KANK1: variants seen among roughly 807,000 people sequenced by gnomAD.
KANK1 encodes KN motif and ankyrin repeat domain-containing protein 1.
In KANK1, 109 loss-of-function variants were observed where a neutral mutation model predicts 106.2. The ratio of observed to expected loss-of-function variants is 1.03; its 90% CI spans 0.88 to 1.20. The LOEUF is 1.20. Among genes scored for constraint, KANK1 ranks in the 50% most tolerant of loss-of-function variants. KANK1 has a pLI of 0.00. For synonymous variants in KANK1, 873 were observed against 652.2 expected (o/e 1.34, Z -5.16); for missense variants, 2,399 against 1,710.7 (o/e 1.40, Z -7.10).
rs1389253343 is a variant in KANK1 at position 518,697 on chromosome 9, C to T, written c.-84+13943C>T. 4.0e-5 allele frequency among the ~76,000 whole-genome samples: 6 copies of T among 151,272 alleles called. 2 individuals are homozygous for T. The highest frequency in any genetic ancestry group is 1.5e-4 in the African/African-American group (6 of 40,740). ...ACTATAAAACTCCCTAGGAAAAGTC[C>T]TCAAAGAGCCACCTTGTTTACTTTA... On this transcript the variant is annotated intron_variant, in intron 1 of 11. Transcript: ENST00000382297.
chr9:633,513 T>A (rs901976755), intron 1 of KANK1, among the ~76,000 whole-genome samples: 1 of 152,128 alleles, frequency 6.6e-6, no homozygotes, highest in Non-Finnish European at 1.5e-5. Context: ...TCAAGTTACT[T>A]CCAACAGTGC....
At chr9:601,815 G>T (rs1342939643) in intron 1 of KANK1, among the ~76,000 whole-genome samples, 4 of 151,772 alleles carry the variant, frequency 2.6e-5, no homozygotes, top group African/African-American at 4.9e-5. Context: ...GGCTAATCTT[G>T]TATTTTCCTT....
intron 1 of KANK1, among the ~76,000 whole-genome samples, chr9:593,296 C>T (rs568045196): frequency 1.4e-4 from 21 of 151,846 alleles, no homozygotes; most frequent in Non-Finnish European, 2.1e-4. Context: ...CAGATGTGCC[C>T]ATTCTCACAT....
chr9:522,217 C>G (rs2059585591), intron 1 of KANK1, among the ~76,000 whole-genome samples: 1 of 151,682 alleles, frequency 6.6e-6, no homozygotes, highest in Non-Finnish European at 1.5e-5. Flanking sequence ...TCTGTTTTCC[C>G]TTTTGCTGAA....
chr9:626,167 G>A (rs1436309646), intron 1 of KANK1, among the ~76,000 whole-genome samples: 1 of 152,118 alleles, frequency 6.6e-6, no homozygotes, highest in Non-Finnish European at 1.5e-5. Flanking sequence ...TTTATGTACT[G>A]TAAAAGCATT....
chr9:637,183 C>T (rs1588463920), intron 1 of KANK1, among the ~76,000 whole-genome samples: 1 of 152,182 alleles, frequency 6.6e-6, no homozygotes, highest in African/African-American at 2.4e-5. Flanking sequence ...CCTATTCTTT[C>T]TCAAGTTTGC....
chr9:666,191 A>G (rs1035849565), intron 1 of KANK1, among the ~76,000 whole-genome samples: 1 of 152,060 alleles, frequency 6.6e-6, no homozygotes, highest in Admixed American at 6.6e-5. Flanking sequence ...AAAAAAAAAA[A>G]CAAAATATTC....
chr9:712,198 G>C lies in KANK1; in HGVS notation c.1432G>C (p.Glu478Gln). Residue 478 changes from glutamate to glutamine, a missense_variant, in exon 3 of 12, where the codon GAA (glutamate) becomes CAA (glutamine). Coordinates refer to ENST00000382297, the MANE Select transcript of KANK1 (RefSeq NM_015158.5). ...CTATCGCCTAGAAGTACAGCTTAGA[G>C]AAACCACCCATGACCGGGAGATGAC... Reference protein sequence around the residue: ...KIYRLEVQLRETTHDREMTKL... With the variant: ...KIYRLEVQLRQTTHDREMTKL... The C allele has an allele frequency of 6.2e-7, 1 of 1,614,198 alleles. No homozygotes were observed. Among genetic ancestry groups the C allele is most frequent in the Non-Finnish European group, 8.5e-7 (1 of 1,180,038 alleles).
rs143796594 is a variant in KANK1 at position 487,312 on chromosome 9, A to G, written c.-362+14039A>G. 2.1e-3 allele frequency among the ~76,000 whole-genome samples: 316 copies of G among 152,366 alleles called. 3 individuals are homozygous for G. Among genetic ancestry groups the G allele is most frequent in the African/African-American group, 7.5e-3 (310 of 41,588 alleles). ...TTTTTCACTTTCAGTACAGAATTCA[A>G]TAAATTACATGAGAAATTCAAACTT... is the stretch of plus-strand genomic sequence containing the variant. On this transcript the variant is annotated intron_variant, in intron 3 of 15. Coordinates refer to the KANK1 transcript ENST00000382303.
intron 1 of KANK1, among the ~76,000 whole-genome samples, chr9:606,231 A>G (rs1179148887): frequency 6.6e-6 from 1 of 151,092 alleles, no homozygotes; most frequent in Non-Finnish European, 1.5e-5. Flanking sequence ...TTTTTATATA[A>G]TATGTAAAAT....
chr9:693,740 C>T (rs984736921), intron 2 of KANK1: 63 of 985,200 alleles, frequency 6.4e-5, no homozygotes, highest in South Asian at 1.9e-4. Context: ...TGCCTGAGAC[C>T]TGGCTTCCTG....
intron 1 of KANK1, among the ~76,000 whole-genome samples, chr9:670,272 T>C (rs79968819): frequency 0.013 from 1,924 of 152,308 alleles, 38 homozygotes; most frequent in African/African-American, 0.044. Flanking sequence ...TTCCATGTTC[T>C]TATGGATATA....
intron 3 of KANK1, among the ~76,000 whole-genome samples, chr9:476,147 A>G (rs534321754): frequency 1.1e-4 from 16 of 151,070 alleles, no homozygotes; most frequent in African/African-American, 3.9e-4. Flanking sequence ...TCCATCTCAA[A>G]AAAAAAAAAA....
chr9:539,306 G>A (rs931041499), intron 1 of KANK1, among the ~76,000 whole-genome samples: 1 of 152,122 alleles, frequency 6.6e-6, no homozygotes, highest in Non-Finnish European at 1.5e-5. Context: ...AATTTTAATA[G>A]GAATAGTATT....
At position 515,854 on chromosome 9, in the gene KANK1, A is replaced by G. The variant is rs566571057; in HGVS notation, c.-84+11100A>G. On this transcript the variant is annotated intron_variant, in intron 1 of 11. Coordinates refer to ENST00000382297, the MANE Select transcript of KANK1 (RefSeq NM_015158.5). ...TGTCACTTCTTAGCAAATGAAATGC[A>G]TAGTTTCAAGGAAACCTCACGTGTG... 3.9e-5 allele frequency among the ~76,000 whole-genome samples: 6 copies of G among 151,962 alleles called. No individual in the cohort carries two copies. In the South Asian group the frequency reaches 1.2e-3, roughly 31 times the overall value.
intron 1 of KANK1, among the ~76,000 whole-genome samples, chr9:611,320 G>A (rs1055676527): frequency 1.3e-5 from 2 of 152,172 alleles, no homozygotes; most frequent in African/African-American, 2.4e-5. Flanking sequence ...GTTCCTCACC[G>A]ACTCTATGCC....
In KANK1 at chr9:684,582, T is replaced by C. The variant is rs894573105; in HGVS notation, c.37+7573T>C. 3 of 985,288 alleles carry C rather than the reference T, an allele frequency of 3.0e-6. No homozygotes were observed. The African/African-American group carries it at 5.2e-5, about 17-fold the overall frequency. 61.0% of individuals were successfully genotyped at this position (985,288 alleles called of 1,614,324 possible). On this transcript the variant is annotated intron_variant, in intron 2 of 11. Transcript: ENST00000382297. ...CTCAGCAGACTTCTCGTTGTGAGTA[T>C]TGGCATTTATTTCTGATTATGCACT...
chr9:502,566 C>G (rs1264808360), upstream of KANK1, among the ~76,000 whole-genome samples: 2 of 150,812 alleles, frequency 1.3e-5, no homozygotes, highest in Non-Finnish European at 2.9e-5. Context: ...CTCTGTCGCC[C>G]AGGCCAAAGT....
intron 3 of KANK1, among the ~76,000 whole-genome samples, chr9:716,745 A>C (rs987416279): frequency 6.6e-6 from 1 of 152,224 alleles, no homozygotes; most frequent in African/African-American, 2.4e-5. Flanking sequence ...TAAAATTACA[A>C]CTAGAGCATG....
Sources: gnomAD v4.1 joint callset for allele counts (sites outside exome capture counted in the v4.1 genomes callset) on GRCh38, gnomAD v4.1.1 for gene constraint, MANE v1.5 for transcripts, NCBI Gene and HGNC (gene_info 2026-07-23, HGNC 2026-07-21) for gene names.